AGBL3: variants seen among roughly 807,000 people sequenced by gnomAD.
AGBL3 encodes cytosolic carboxypeptidase 3.
AGBL3 carries 68 observed loss-of-function variants against 94.5 expected under a neutral mutation model. The ratio of observed to expected loss-of-function variants is 0.72; its 90% CI spans 0.59 to 0.88. The LOEUF (loss-of-function observed/expected upper bound fraction) is 0.88, where lower values mean the gene tolerates loss of function less well. Among genes scored for constraint, AGBL3 ranks in the 40% least tolerant of loss-of-function variants. The pLI, the probability that AGBL3 is intolerant of heterozygous loss-of-function variation, is 0.00. For synonymous variants in AGBL3, 354 were observed against 370.7 expected (o/e 0.95, Z 0.52); for missense variants, 934 against 1,103.8 (o/e 0.85, Z 2.18).
intron 16 of AGBL3, among the ~76,000 whole-genome samples, chr7:135,127,362 C>T (rs1178655174): frequency 2.0e-5 from 3 of 151,716 alleles, no homozygotes; most frequent in African/African-American, 7.2e-5. Flanking sequence ...CGAGACCATC[C>T]TGGCCAACAT....
Position 135,005,468 on chromosome 7 carries a change from A to G in AGBL3, c.311-11584A>G, listed in dbSNP as rs796694087. 3.9e-5 allele frequency among the ~76,000 whole-genome samples: 6 copies of G among 151,916 alleles called. 1 individual carries two copies. Among genetic ancestry groups the G allele is most frequent in the African/African-American group, 1.4e-4 (6 of 41,548 alleles). On this transcript the variant is annotated intron_variant, in intron 4 of 16. Coordinates refer to ENST00000436302, the MANE Select transcript of AGBL3 (RefSeq NM_178563.4). ...GATGAAGTAAATAAAAGAAGATCTAAATAAATCAAGAAATATACCATGTTC... is the reference window on the plus strand; with the variant it reads ...GATGAAGTAAATAAAAGAAGATCTAGATAAATCAAGAAATATACCATGTTC...
intron 4 of AGBL3, among the ~76,000 whole-genome samples, chr7:135,013,525 G>C (rs970267077): frequency 6.6e-6 from 1 of 152,146 alleles, no homozygotes; most frequent in Non-Finnish European, 1.5e-5. Flanking sequence ...ACATCTCTAA[G>C]ATGTTTAGTG....
intron 5 of AGBL3, among the ~76,000 whole-genome samples, chr7:135,021,587 C>A (rs538923123): frequency 6.6e-6 from 1 of 152,110 alleles, no homozygotes; most frequent in African/African-American, 2.4e-5. Context: ...CCACCACGCC[C>A]GGCCCTACTT....
intron 13 of AGBL3, among the ~76,000 whole-genome samples, chr7:135,078,785 A>G (rs1375380394): frequency 6.6e-6 from 1 of 152,200 alleles, no homozygotes; most frequent in Non-Finnish European, 1.5e-5. Context: ...CCATAAGCTA[A>G]TAGCAGATTG....
At chr7:135,064,428 G>A (rs1819101804) in intron 12 of AGBL3, among the ~76,000 whole-genome samples, 1 of 152,184 alleles carries the variant, frequency 6.6e-6, no homozygotes, top group South Asian at 2.1e-4. Flanking sequence ...GACATGATCT[G>A]CCTCAAGTGG....
chr7:135,059,354 C>A, intron 12 of AGBL3, 119 bp downstream of exon 12: 1 of 550,096 alleles, frequency 1.8e-6, no homozygotes. Flanking sequence ...CATTTATTTT[C>A]TAACTATGTA....
At chr7:135,107,128 C>A (rs1384901159) in intron 15 of AGBL3, among the ~76,000 whole-genome samples, 1 of 146,332 alleles carries the variant, frequency 6.8e-6, no homozygotes, top group Non-Finnish European at 1.5e-5. Context: ...AGCTACCAAC[C>A]TATCTATATT....
chr7:135,043,619 G>A (rs1025214949), intron 8 of AGBL3, among the ~76,000 whole-genome samples: 2 of 152,096 alleles, frequency 1.3e-5, no homozygotes, highest in African/African-American at 4.8e-5. Context: ...ATAAATGCTT[G>A]AGGTGATGGA....
rs148387846 is a variant in AGBL3 at position 135,059,235 on chromosome 7, G to T, written c.1908G>T (p.Gln636His). The T allele has an allele frequency of 1.3e-4, 205 of 1,549,722 alleles. No individual in the cohort carries two copies. The highest frequency in any genetic ancestry group is 1.7e-4 in the Non-Finnish European group (199 of 1,145,804). Residue 636 changes from glutamine (Q) to histidine (H), a missense_variant and splice_region_variant, in exon 12 of 17, where the codon CAG (glutamine) becomes CAT (histidine). Physicochemically the swap from Gln to His is conservative, Grantham distance 24. Around this residue, in one of 3 missense-constraint regions of AGBL3, gnomAD observed 441 missense variants for 518.2 expected, o/e 0.85. Transcript: ENST00000436302. The stretch of plus-strand genomic sequence containing the variant: ...CTTACCTTCTCAAGTTAACTTCTCA[G>T]GTATGACTGAACATTTTTGCTTATA... Reference protein sequence around the residue: ...SLTYLLKLTSQKKHLKTKKER... With the variant: ...SLTYLLKLTSHKKHLKTKKER...
intron 4 of AGBL3, among the ~76,000 whole-genome samples, chr7:135,003,082 T>C (rs562224916): frequency 6.6e-6 from 1 of 152,288 alleles, no homozygotes; most frequent in East Asian, 1.9e-4. Flanking sequence ...TTAAATGATT[T>C]CTGGGGTTTT....
chr7:135,110,616 G>T (rs1563276505), intron 15 of AGBL3, among the ~76,000 whole-genome samples: 1 of 152,140 alleles, frequency 6.6e-6, no homozygotes, highest in Non-Finnish European at 1.5e-5. Context: ...TGTCGCTCCT[G>T]GGTGGGCAGC....
At position 135,037,600 on chromosome 7, in the gene AGBL3, T is replaced by C; in HGVS notation, c.1500+20T>C. The C allele has an allele frequency of 6.6e-7, 1 of 1,513,664 alleles. No homozygotes were observed. Among genetic ancestry groups the C allele is most frequent in the Non-Finnish European group, 8.9e-7 (1 of 1,128,584 alleles). 93.8% of individuals were successfully genotyped at this position (1,513,664 alleles called of 1,614,324 possible). A position where few individuals can be genotyped will look rare whatever the true frequency, so the allele number is the denominator to read the frequency against. ...GATAAAGTAAGCACCTTTTAAGGTATTAACTTTTCCTTTATCAAATGTTGC... is the reference window on the plus strand; with the variant it reads ...GATAAAGTAAGCACCTTTTAAGGTACTAACTTTTCCTTTATCAAATGTTGC... On this transcript the variant is annotated intron_variant, in intron 8 of 16. Coordinates refer to ENST00000436302, the MANE Select transcript of AGBL3 (RefSeq NM_178563.4).
chr7:135,125,998 C>G (rs1413282534), intron 16 of AGBL3, among the ~76,000 whole-genome samples: 1 of 152,166 alleles, frequency 6.6e-6, no homozygotes, highest in African/African-American at 2.4e-5. Context: ...CAAGGATGCC[C>G]TCTCTCACCA....
At chr7:135,120,415 CAT>C (rs1826980592) in intron 16 of AGBL3, among the ~76,000 whole-genome samples, 1 of 152,040 alleles carries the variant, frequency 6.6e-6, no homozygotes, top group Non-Finnish European at 1.5e-5. Context: ...ATAAGTTATG[CAT>C]ATGTAGTATA....
At chr7:135,118,852 T>A (rs1026118498) in intron 16 of AGBL3, among the ~76,000 whole-genome samples, 1 of 152,010 alleles carries the variant, frequency 6.6e-6, no homozygotes, top group Non-Finnish European at 1.5e-5. Context: ...ATTTTTGAAT[T>A]GAAAAATACC....
intron 4 of AGBL3, chr7:134,995,309 G>C (rs921163844): frequency 2.0e-5 from 3 of 152,262 alleles, no homozygotes; most frequent in Admixed American, 6.5e-5. Context: ...CCAGCCGCAT[G>C]TGCTCATTCC....
At chr7:135,014,177 CAG>C (rs1309873341) in intron 4 of AGBL3, among the ~76,000 whole-genome samples, 1 of 124,688 alleles carries the variant, frequency 8.0e-6, no homozygotes, top group Non-Finnish European at 1.6e-5. Flanking sequence ...GCCTGGGAAA[CAG>C]AGCGAGACTC....
At chr7:134,991,510 C>G (rs1325771998) in intron 3 of AGBL3, among the ~76,000 whole-genome samples, 1 of 152,032 alleles carries the variant, frequency 6.6e-6, no homozygotes, top group Admixed American at 6.6e-5. Flanking sequence ...CACTACTGAC[C>G]ACCCCACCAT....
chr7:135,058,874 A>G (rs936016316), intron 11 of AGBL3, among the ~76,000 whole-genome samples: 1 of 152,060 alleles, frequency 6.6e-6, no homozygotes, highest in African/African-American at 2.4e-5. Context: ...CTCCTGCCTC[A>G]GCCTCCTGAG....
Sources: allele counts gnomAD v4.1 joint callset (sites outside exome capture counted in the v4.1 genomes callset), GRCh38; gene constraint gnomAD v4.1.1; regional missense constraint gnomAD v4.1.1; transcripts MANE v1.5; gene names NCBI Gene and HGNC (gene_info 2026-07-23, HGNC 2026-07-21).